Variants in ERMAP observed in about 807,000 individuals in gnomAD.
The protein encoded by ERMAP is erythroblast membrane associated protein (Scianna blood group), also known as erythroid membrane-associated protein.
Under a neutral mutation model 49.5 loss-of-function variants are expected in ERMAP, and 34 were observed. That is an observed-to-expected ratio of 0.69 (90% confidence interval 0.52 to 0.91). The LOEUF is 0.91. ERMAP is among the 40% of genes least tolerant of loss of function. The pLI, the probability that ERMAP is intolerant of heterozygous loss-of-function variation, is 0.00. For missense variants in ERMAP, 541 were observed against 582.6 expected, an observed-to-expected ratio of 0.93 and a Z score of 0.74; for synonymous variants, 214 against 232.2, an observed-to-expected ratio of 0.92 and a Z score of 0.71.
intron 11 of ERMAP, 151 bp from the exon 12 acceptor site, chr1:42,842,365 GT>G (rs1655080550): frequency 1.6e-6 from 1 of 640,316 alleles, no homozygotes. Flanking sequence ...ATATTCTTTG[GT>G]TCCAGTACAC....
chr1:42,844,747 A>G lies in ERMAP; in HGVS notation c.*1515A>G, dbSNP rs1449656125. 4 of 152,226 alleles carry G rather than the reference A, an allele frequency of 2.6e-5. No homozygotes were observed. Among genetic ancestry groups the G allele is most frequent in the Non-Finnish European group, 5.9e-5 (4 of 68,050 alleles). 9.4% of individuals were successfully genotyped at this position (152,226 alleles called of 1,614,324 possible). On this transcript the variant is annotated 3_prime_UTR_variant, in exon 12 of 12. Coordinates refer to ENST00000372517, the MANE Select transcript of ERMAP (RefSeq NM_001017922.2). This position sits in a 1 kb window ranked among gnomAD's most constrained non-coding sequence, Gnocchi z 4.0. ...CTCTTTTGTTCTATTCAGGCCTTCA[A>G]CTGATTCAGCAAGGCCCGCCCACAT... is the stretch of plus-strand genomic sequence containing the variant.
chr1:42,831,575 C>CTTTT (rs796367653), intron 4 of ERMAP, among the ~76,000 whole-genome samples: 68 of 83,970 alleles, frequency 8.1e-4, no homozygotes, highest in South Asian at 9.1e-4. Context: ...TTTTTTTTCT[C>CTTTT]TTTTTTTTTT....
At chr1:42,824,091 T>G (rs1404600037) in intron 1 of ERMAP, among the ~76,000 whole-genome samples, 1 of 151,988 alleles carries the variant, frequency 6.6e-6, no homozygotes, top group Admixed American at 6.6e-5. Flanking sequence ...ACGCCTGTAA[T>G]CCCAGCACTT....
intron 1 of ERMAP, 76 bp from the exon 2 acceptor site, chr1:42,825,546 GA>G: frequency 1.6e-6 from 2 of 1,215,694 alleles, no homozygotes; most frequent in Non-Finnish European, 1.0e-6. Flanking sequence ...AGCGAGAAGG[GA>G]GTTCTGTGGG....
At chr1:42,820,386 T>C (rs1654376418) in intron 1 of ERMAP, among the ~76,000 whole-genome samples, 1 of 151,144 alleles carries the variant, frequency 6.6e-6, no homozygotes, top group African/African-American at 2.4e-5. Context: ...TTTCTCTTTT[T>C]TTTTTTTTTT....
rs1655148236 is a variant in ERMAP at position 42,844,151 on chromosome 1, C to G, written c.*919C>G. The G allele has an allele frequency of 5.0e-6, 2 of 398,464 alleles. No homozygotes were observed. Among genetic ancestry groups the G allele is most frequent in the Non-Finnish European group, 8.8e-6 (2 of 226,072 alleles). The allele number at this position is 398,464 out of a possible 1,614,324, so 24.7% of individuals were successfully genotyped here. On this transcript the variant is annotated 3_prime_UTR_variant, in exon 12 of 12. Transcript: ENST00000372517. The surrounding 1 kb of genome is among the most constrained non-coding windows in gnomAD (Gnocchi z 4.0). ...AGAAGCTTTTTTTTCCCCACAAGAC[C>G]ATTGTACTGCAATACTTGAGTATTT...
At chr1:42,828,069 A>C (rs1654603710) in intron 2 of ERMAP, among the ~76,000 whole-genome samples, 1 of 151,882 alleles carries the variant, frequency 6.6e-6, no homozygotes, top group Admixed American at 6.6e-5. Context: ...AGCCATTAAT[A>C]GGATGTTGAC....
At chr1:42,833,202 G>A (rs533118552) in intron 4 of ERMAP, among the ~76,000 whole-genome samples, 44 of 152,268 alleles carry the variant, frequency 2.9e-4, no homozygotes, top group Admixed American at 1.2e-3. Context: ...TACCCTAGCA[G>A]GAACTTTTTG....
chr1:42,825,554 T>A, intron 1 of ERMAP, 69 bp from the exon 2 acceptor site: 2 of 1,223,352 alleles, frequency 1.6e-6, no homozygotes, highest in Non-Finnish European at 2.1e-6. Flanking sequence ...GGGAGTTCTG[T>A]GGGGGCAGAG....
At chr1:42,821,260 A>G (rs1341378196) in intron 1 of ERMAP, among the ~76,000 whole-genome samples, 1 of 152,220 alleles carries the variant, frequency 6.6e-6, no homozygotes, top group African/African-American at 2.4e-5. Flanking sequence ...TTGGGAGGTA[A>G]CAGAGATAAG....
chr1:42,827,109 G>T (rs577650662), intron 2 of ERMAP, among the ~76,000 whole-genome samples: 1 of 152,250 alleles, frequency 6.6e-6, no homozygotes, highest in South Asian at 2.1e-4. Context: ...ATTGCCTTGG[G>T]AAATGCACAT....
chr1:42,830,218 C>G (rs1233915210), intron 2 of ERMAP: 1 of 561,550 alleles, frequency 1.8e-6, no homozygotes, highest in Non-Finnish European at 3.2e-6. Flanking sequence ...CATAATCCCA[C>G]AAGGAGGCAC....
chr1:42,832,511 C>T (rs776681468), intron 4 of ERMAP, among the ~76,000 whole-genome samples: 1 of 152,046 alleles, frequency 6.6e-6, no homozygotes, highest in Non-Finnish European at 1.5e-5. Flanking sequence ...GGATTACAGG[C>T]ATGTGCCACC....
chr1:42,824,612 A>G (rs1557604960), intron 1 of ERMAP: 1 of 152,350 alleles, frequency 6.6e-6, no homozygotes, highest in Non-Finnish European at 1.5e-5. Context: ...TAATCCCAGG[A>G]AGCAGAAATG....
intron 1 of ERMAP, chr1:42,825,349 T>G: frequency 2.2e-6 from 1 of 457,068 alleles, no homozygotes; most frequent in Non-Finnish European, 2.9e-6. Flanking sequence ...AAGAATGTGA[T>G]AGGATCAAAA....
intron 4 of ERMAP, chr1:42,834,539 C>A (rs1219298226): frequency 3.5e-5 from 10 of 282,716 alleles, no homozygotes; most frequent in Non-Finnish European, 6.1e-5. Flanking sequence ...AGGAACATCT[C>A]AGTTTTTGTT....
Position 42,835,243 on chromosome 1 carries a change from G to A in ERMAP, c.550+89G>A, listed in dbSNP as rs1175299787. On this transcript the variant is annotated intron_variant, in intron 5 of 11. Coordinates refer to ENST00000372517, the MANE Select transcript of ERMAP (RefSeq NM_001017922.2). ...GCCAGACGGAAGTAGATGTAGACCT[G>A]ACACTTCTCCATAGGTTGGGGACAC... is the stretch of plus-strand genomic sequence containing the variant. 1.8e-5 allele frequency: 14 copies of A among 759,634 alleles called. No homozygotes were observed. The East Asian group carries it at 3.4e-4, about 19-fold the overall frequency. 47.1% of individuals were successfully genotyped at this position (759,634 alleles called of 1,614,324 possible).
chr1:42,844,162 A>C lies in ERMAP; in HGVS notation c.*930A>C, dbSNP rs1301962411. 7.5e-6 allele frequency: 3 copies of C among 398,534 alleles called. No homozygotes were observed. The highest frequency in any genetic ancestry group is 1.3e-5 in the Non-Finnish European group (3 of 226,072). 24.7% of individuals were successfully genotyped at this position (398,534 alleles called of 1,614,324 possible). ...TTTCCCCACAAGACCATTGTACTGC[A>C]ATACTTGAGTATTTGTGTAGCAAAC... On this transcript the variant is annotated 3_prime_UTR_variant, in exon 12 of 12. Transcript: ENST00000372517. The surrounding 1 kb of genome is among the most constrained non-coding windows in gnomAD (Gnocchi z 4.0).
Position 42,842,870 on chromosome 1 carries a change from C to T in ERMAP, c.1066C>T (p.Arg356Trp), listed in dbSNP as rs149293005. ...QTSFRLKEPPRCVGIFLDYEA... is the reference protein window; with the variant it reads ...QTSFRLKEPPWCVGIFLDYEA... The stretch of plus-strand genomic sequence containing the variant: ...CTCCTTCCGCCTTAAAGAGCCTCCA[C>T]GGTGTGTGGGGATTTTCCTGGACTA... Residue 356 changes from arginine (R) to tryptophan (W), a missense_variant, in exon 12 of 12, where the codon CGG becomes TGG. Coordinates refer to ENST00000372517, the MANE Select transcript of ERMAP (RefSeq NM_001017922.2). 52 of 1,614,064 alleles carry T rather than the reference C, an allele frequency of 3.2e-5. No homozygotes were observed. The highest frequency in any genetic ancestry group is 5.3e-5 in the African/African-American group (4 of 74,914).
Sources: allele counts gnomAD v4.1 joint callset (sites outside exome capture counted in the v4.1 genomes callset), GRCh38; gene constraint gnomAD v4.1.1; non-coding constraint Gnocchi (gnomAD v3.1); transcripts MANE v1.5; gene names NCBI Gene and HGNC (gene_info 2026-07-23, HGNC 2026-07-21).